BNC2: variants seen among roughly 807,000 people sequenced by gnomAD.
BNC2 encodes basonuclin zinc finger protein 2.
In BNC2, 20 loss-of-function variants were observed where a neutral mutation model predicts 76.3. The observed-to-expected ratio is 0.26, with a 90% CI of 0.18 to 0.38. The LOEUF is 0.38. Ranked by LOEUF, BNC2 falls within the 10% of genes least tolerant of loss-of-function variation. BNC2 has a pLI of 1.00. For missense variants in BNC2, 1,382 were observed against 1,399.8 expected (o/e 0.99, Z 0.20); for synonymous variants, 582 against 514.8 (o/e 1.13, Z -1.77).
chr9:16,720,854 C>T (rs1446227715), intron 3 of BNC2, among the ~76,000 whole-genome samples: 3 of 152,064 alleles, frequency 2.0e-5, no homozygotes, highest in East Asian at 1.9e-4. Context: ...CTCTGCACTT[C>T]GTGGCATGAA....
At chr9:16,426,151 T>C (rs1427301259) in intron 6 of BNC2, among the ~76,000 whole-genome samples, 1 of 152,248 alleles carries the variant, frequency 6.6e-6, no homozygotes, top group Non-Finnish European at 1.5e-5. Context: ...CTGGCATCTT[T>C]TAAGGACTTA....
At chr9:16,720,065 C>A (rs1420418535) in intron 3 of BNC2, among the ~76,000 whole-genome samples, 3 of 152,184 alleles carry the variant, frequency 2.0e-5, no homozygotes, top group African/African-American at 7.2e-5. Flanking sequence ...CTTTCAGCAC[C>A]TCTGAATGAT....
intron 3 of BNC2, among the ~76,000 whole-genome samples, chr9:16,586,758 G>A (rs1357963795): frequency 6.6e-6 from 1 of 152,166 alleles, no homozygotes; most frequent in African/African-American, 2.4e-5. Context: ...CCTCTTAAGT[G>A]GTGGGAAGTG....
In BNC2 at chr9:16,712,122, C is replaced by G. The variant is rs73646157; in HGVS notation, c.330+15675G>C. On this transcript the variant is annotated intron_variant, in intron 3 of 6. Transcript: ENST00000380672. ...TGTACAAAAAATTATATCAAGACTG[C>G]ACTGTGGTGTCACAAAATCAGTTTA... Among the ~76,000 whole-genome samples the G allele has an allele frequency of 8.3e-3, 1,260 of 152,290 alleles. 25 individuals carry two copies. Among genetic ancestry groups the G allele is most frequent in the African/African-American group, 0.028 (1,170 of 41,572 alleles).
intron 3 of BNC2, among the ~76,000 whole-genome samples, chr9:16,606,155 T>C (rs1587227638): frequency 2.0e-5 from 3 of 152,324 alleles, no homozygotes; most frequent in African/African-American, 7.2e-5. Flanking sequence ...GAAGTAATTA[T>C]AGTATTTATA....
At chr9:16,465,588 C>T (rs1054483346) in intron 5 of BNC2, among the ~76,000 whole-genome samples, 5 of 152,088 alleles carry the variant, frequency 3.3e-5, no homozygotes, top group Non-Finnish European at 7.4e-5. Context: ...TTGACTATCA[C>T]GTTCAAATTA....
At chr9:16,795,282 T>A (rs544184046) in intron 1 of BNC2, among the ~76,000 whole-genome samples, 1 of 152,028 alleles carries the variant, frequency 6.6e-6, no homozygotes, top group Admixed American at 6.5e-5. Context: ...GAACTCCACA[T>A]GTGACCGGTC....
At position 16,850,271 on chromosome 9, in the gene BNC2, C is replaced by G. The variant is rs570651551; in HGVS notation, c.3+20375G>C. On this transcript the variant is annotated intron_variant, in intron 1 of 6. Coordinates refer to ENST00000380672, the MANE Select transcript of BNC2 (RefSeq NM_017637.6). ...ACATAGAGCTGGCTACAAAGGGCTA[C>G]AAAATAATAACACACTTTGGTCAGT... Among the ~76,000 whole-genome samples the G allele has an allele frequency of 1.2e-4, 19 of 152,178 alleles. No homozygotes were observed. The East Asian group carries it at 2.1e-3, about 17-fold the overall frequency.
At chr9:16,708,433 G>C (rs1424051260) in intron 3 of BNC2, among the ~76,000 whole-genome samples, 1 of 152,190 alleles carries the variant, frequency 6.6e-6, no homozygotes, top group African/African-American at 2.4e-5. Context: ...GGAGTCGAGA[G>C]ATTGGCTAAA....
chr9:16,430,098 T>A, intron 6 of BNC2: 1 of 449,966 alleles, frequency 2.2e-6, no homozygotes. Flanking sequence ...AGGAGGGGGA[T>A]GTATTTTGTG....
Position 16,418,837 on chromosome 9 carries a change from CGT to C in BNC2, c.*150_*151del, listed in dbSNP as rs548882154. ...TTATCTTGTTTATCTCAAGGAAATA[CGT>C]GTGTGTATATGTAGCCACAGAGCAT... On this transcript the variant is annotated 3_prime_UTR_variant, in exon 7 of 7. Transcript: ENST00000380672. The C allele has an allele frequency of 1.6e-5, 13 of 823,730 alleles. No homozygotes were observed. Among genetic ancestry groups the C allele is most frequent in the Admixed American group, 4.5e-5 (2 of 44,618 alleles). 51.0% of individuals were successfully genotyped at this position (823,730 alleles called of 1,614,324 possible). A position where few individuals can be genotyped will look rare whatever the true frequency, so the allele number is the denominator to read the frequency against.
At chr9:16,471,356 C>T (rs1357950282) in intron 5 of BNC2, among the ~76,000 whole-genome samples, 4 of 150,358 alleles carry the variant, frequency 2.7e-5, no homozygotes, top group Non-Finnish European at 5.9e-5. Context: ...TGCAGTGGCA[C>T]GATCTTGGCT....
chr9:16,496,443 A>T (rs1177131759), intron 5 of BNC2, among the ~76,000 whole-genome samples: 2 of 152,204 alleles, frequency 1.3e-5, no homozygotes, highest in Non-Finnish European at 2.9e-5. Context: ...TGTGACAATG[A>T]CAAATATTCA....
intron 1 of BNC2, among the ~76,000 whole-genome samples, chr9:16,858,050 A>G (rs1331845456): frequency 1.3e-5 from 2 of 152,226 alleles, no homozygotes; most frequent in Non-Finnish European, 2.9e-5. Flanking sequence ...GGTTATTTAT[A>G]TAAAACTTCA....
intron 1 of BNC2, 84 bp downstream of exon 1, chr9:16,870,562 G>C: frequency 6.6e-7 from 1 of 1,520,854 alleles, no homozygotes; most frequent in Non-Finnish European, 9.0e-7. Flanking sequence ...CACGGCCCCC[G>C]GGCGGCCCCG....
chr9:16,537,471 T>C (rs1156652171), intron 5 of BNC2, among the ~76,000 whole-genome samples: 1 of 152,104 alleles, frequency 6.6e-6, no homozygotes, highest in African/African-American at 2.4e-5. Flanking sequence ...TATGTAATAT[T>C]TACCAAGTGA....
In BNC2 at chr9:16,588,717, G is replaced by A. The variant is rs139572373; in HGVS notation, c.331-5632C>T. Among the ~76,000 whole-genome samples, 239 of 152,302 alleles carry A rather than the reference G, an allele frequency of 1.6e-3. 2 individuals are homozygous for A. Among genetic ancestry groups the A allele is most frequent in the African/African-American group, 5.5e-3 (229 of 41,570 alleles). ...AAGTACATTTGAAAGTATTTTGGAT[G>A]CATTCCAAAGCTCTAATACAGAGGA... On this transcript the variant is annotated intron_variant, in intron 3 of 6. Transcript: ENST00000380672.
In BNC2 at chr9:16,465,434, C is replaced by CAAAAAA. The variant is rs34834563; in HGVS notation, c.670-27916_670-27911dup. Among the ~76,000 whole-genome samples, 53 of 84,276 alleles carry CAAAAAA rather than the reference C, an allele frequency of 6.3e-4. 9 individuals carry two copies. The highest frequency in any genetic ancestry group is 9.8e-3 in the Middle Eastern group (1 of 102). 55.3% of individuals were successfully genotyped at this position (84,276 alleles called of 152,430 possible). Reference sequence around the variant, plus strand: ...CTGGGCGACAGTGAGACTCCAACTCCAAAAAAAAAAAAAAAAAAGGGTTAA... The same window carrying CAAAAAA: ...CTGGGCGACAGTGAGACTCCAACTCCAAAAAAAAAAAAAAAAAAAAAAAAGGGTTAA... On this transcript the variant is annotated intron_variant, in intron 5 of 6. Transcript: ENST00000380672.
intron 3 of BNC2, among the ~76,000 whole-genome samples, chr9:16,595,000 C>T (rs866464648): frequency 4.6e-5 from 7 of 152,148 alleles, no homozygotes; most frequent in Middle Eastern, 3.4e-3. Flanking sequence ...AGTGAAAATG[C>T]TAAGTAAGCA....
Sources: gnomAD v4.1 joint callset for allele counts (sites outside exome capture counted in the v4.1 genomes callset) on GRCh38, gnomAD v4.1.1 for gene constraint, MANE v1.5 for transcripts, NCBI Gene and HGNC (gene_info 2026-07-23, HGNC 2026-07-21) for gene names.